The following WDFY4 variants were observed in gnomAD, a reference collection of about 807,000 sequenced individuals.
The protein encoded by WDFY4 is WDFY family member 4.
WDFY4 carries 169 observed loss-of-function variants against 351.9 expected under a neutral mutation model. The ratio of observed to expected loss-of-function variants is 0.48; its 90% CI spans 0.42 to 0.55. The LOEUF is 0.55. Among genes scored for constraint, WDFY4 ranks in the 20% least tolerant of loss-of-function variants. The pLI is 0.00. For synonymous variants in WDFY4, 1,622 were observed against 1,574.6 expected (o/e 1.03, Z -0.71); for missense variants, 3,803 against 3,935.6 (o/e 0.97, Z 0.90).
intron 5 of WDFY4, among the ~76,000 whole-genome samples, chr10:48,724,189 G>C (rs767810555): frequency 1.3e-5 from 2 of 152,144 alleles, no homozygotes; most frequent in African/African-American, 4.8e-5. Flanking sequence ...GCAGGGGACG[G>C]TATGGAGGAT....
intron 47 of WDFY4, among the ~76,000 whole-genome samples, chr10:48,919,225 G>A (rs1038675151): frequency 6.6e-6 from 1 of 151,952 alleles, no homozygotes; most frequent in African/African-American, 2.4e-5. Flanking sequence ...GAGTTAAAGG[G>A]AGGATTTACT....
chr10:48,805,511 C>T, intron 26 of WDFY4, 90 bp downstream of exon 26: 3 of 1,455,764 alleles, frequency 2.1e-6, no homozygotes, highest in Non-Finnish European at 2.7e-6. Context: ...CCATTGTGCT[C>T]AACCCTGAAT....
chr10:48,780,148 C>A (rs935989139), intron 19 of WDFY4, 29 bp downstream of exon 19: 2 of 1,550,334 alleles, frequency 1.3e-6, no homozygotes, highest in Non-Finnish European at 1.7e-6. Context: ...GCTGCACTTG[C>A]CCCACAACCA....
intron 39 of WDFY4, among the ~76,000 whole-genome samples, chr10:48,839,258 A>G (rs2068514031): frequency 6.6e-6 from 1 of 152,268 alleles, no homozygotes; most frequent in South Asian, 2.1e-4. Flanking sequence ...TTGTGAAAAC[A>G]GAAGTCAGAA....
chr10:48,859,024 C>A (rs1473296429), intron 39 of WDFY4, among the ~76,000 whole-genome samples: 1 of 152,038 alleles, frequency 6.6e-6, no homozygotes, highest in Non-Finnish European at 1.5e-5. Context: ...TTTTGAAATA[C>A]AGTTATTATG....
intron 18 of WDFY4, 97 bp from the exon 19 acceptor site, chr10:48,779,844 G>A: frequency 7.4e-7 from 1 of 1,357,144 alleles, no homozygotes; most frequent in East Asian, 2.5e-5. Flanking sequence ...CATGGTACAA[G>A]GCCCAGTGGT....
chr10:48,927,445 G>A (rs1351258213), intron 47 of WDFY4, among the ~76,000 whole-genome samples: 1 of 152,146 alleles, frequency 6.6e-6, no homozygotes, highest in Admixed American at 6.5e-5. Flanking sequence ...ACTTCTGTGG[G>A]ATGCGTTCTT....
At chr10:48,913,514 G>A in intron 47 of WDFY4, 1 of 1,613,872 alleles carries the variant, frequency 6.2e-7, no homozygotes, top group Non-Finnish European at 8.5e-7. Flanking sequence ...GGGCGTTTTG[G>A]CATTTTCTCA....
chr10:48,826,643 G>T, intron 35 of WDFY4, 28 bp from the exon 36 acceptor site: 1 of 1,504,874 alleles, frequency 6.6e-7, no homozygotes, highest in Non-Finnish European at 9.0e-7. Flanking sequence ...ACAAGTTTGT[G>T]TATGTGTATG....
At chr10:48,754,621 T>A (rs1739163789) in intron 12 of WDFY4, among the ~76,000 whole-genome samples, 1 of 151,816 alleles carries the variant, frequency 6.6e-6, no homozygotes, top group African/African-American at 2.4e-5. Context: ...TTATTAATTT[T>A]AATTTACTTA....
chr10:48,869,731 A>G (rs774914741), intron 40 of WDFY4, among the ~76,000 whole-genome samples: 1 of 152,090 alleles, frequency 6.6e-6, no homozygotes, highest in Non-Finnish European at 1.5e-5. Flanking sequence ...ATTTGCAGAA[A>G]TGACTTATCC....
chr10:48,703,980 G>T (rs2063552856), intron 1 of WDFY4, among the ~76,000 whole-genome samples: 1 of 152,144 alleles, frequency 6.6e-6, no homozygotes, highest in South Asian at 2.1e-4. Flanking sequence ...AGGTCACAGG[G>T]AATCCCTCCC....
chr10:48,897,756 G>A (rs1472834950), intron 45 of WDFY4, among the ~76,000 whole-genome samples, 182 bp downstream of exon 45: 1 of 152,266 alleles, frequency 6.6e-6, no homozygotes, highest in African/African-American at 2.4e-5. Flanking sequence ...TCCCAGGTGG[G>A]AGTTCTGACT....
intron 11 of WDFY4, among the ~76,000 whole-genome samples, chr10:48,741,754 C>T (rs17011157): frequency 0.022 from 3,401 of 152,188 alleles, 135 homozygotes; most frequent in African/African-American, 0.078. Flanking sequence ...ACTGACTCCA[C>T]ACTGTGCCTT....
At chr10:48,794,818 G>C (rs945414187) in intron 23 of WDFY4, among the ~76,000 whole-genome samples, 1 of 152,140 alleles carries the variant, frequency 6.6e-6, no homozygotes, top group Non-Finnish European at 1.5e-5. Flanking sequence ...GAAGTCCCTG[G>C]TGGCCTTTCT....
At chr10:48,888,676 T>G (rs918048330) in intron 43 of WDFY4, among the ~76,000 whole-genome samples, 1 of 152,188 alleles carries the variant, frequency 6.6e-6, no homozygotes, top group Non-Finnish European at 1.5e-5. Context: ...ACTGACCACT[T>G]TCTGTTCCCC....
intron 2 of WDFY4, among the ~76,000 whole-genome samples, chr10:48,718,859 G>C (rs1383787226): frequency 6.6e-6 from 1 of 152,208 alleles, no homozygotes; most frequent in Non-Finnish European, 1.5e-5. Flanking sequence ...AATAAGTCTG[G>C]CATTCCAAAC....
Position 48,790,899 on chromosome 10 carries a change from A to G in WDFY4, c.4239A>G (p.Gln1413=), listed in dbSNP as rs1289587963. 3.2e-6 allele frequency: 5 copies of G among 1,551,616 alleles called. No homozygotes were observed. The highest frequency in any genetic ancestry group is 1.4e-5 in the African/African-American group (1 of 73,044). The change falls in exon 23 of 62, where the codon CAA becomes CAG. Residue 1413 remains glutamine (Q), a synonymous_variant. Coordinates refer to ENST00000325239, the MANE Select transcript of WDFY4 (RefSeq NM_001394531.1). The stretch of plus-strand genomic sequence containing the variant: ...ATGCCATGTGTGACTTCCTGATGCA[A>G]CACATCTGTGGGTACCAGGTAATCC... ...TSNAMCDFLM[Q]HICGYQIMAF... is the part of the protein sequence containing the mutation.
chr10:48,887,163 G>A (rs2070489715), intron 43 of WDFY4, among the ~76,000 whole-genome samples: 1 of 152,262 alleles, frequency 6.6e-6, no homozygotes, highest in Admixed American at 6.5e-5. Flanking sequence ...TCATAGGCAT[G>A]TGCTCTGAGA....
Sources: allele counts gnomAD v4.1 joint callset (sites outside exome capture counted in the v4.1 genomes callset), GRCh38; gene constraint gnomAD v4.1.1; transcripts MANE v1.5; gene names NCBI Gene and HGNC (gene_info 2026-07-23, HGNC 2026-07-21).